Variants in PLRG1 observed in about 807,000 individuals in gnomAD.
PLRG1 encodes pleiotropic regulator 1.
Under a neutral mutation model 74.9 loss-of-function variants are expected in PLRG1, and 28 were observed. The ratio of observed to expected loss-of-function variants is 0.37; its 90% CI spans 0.28 to 0.51. The LOEUF is 0.51. PLRG1 is among the 20% of genes least tolerant of loss of function. The pLI is 0.91. For synonymous variants in PLRG1, 197 were observed against 212.4 expected, an observed-to-expected ratio of 0.93 and a Z score of 0.63; for missense variants, 445 against 631.9, an observed-to-expected ratio of 0.70 and a Z score of 3.17.
chr4:154,546,401 C>T (rs918876491), intron 4 of PLRG1, 188 bp from the exon 5 acceptor site: 5 of 560,570 alleles, frequency 8.9e-6, no homozygotes, highest in East Asian at 3.1e-5. Flanking sequence ...CTTAATAACA[C>T]GTAACTCAAA....
Position 154,540,177 on chromosome 4 carries a change from T to C in PLRG1, c.940-124A>G, listed in dbSNP as rs111461489. On this transcript the variant is annotated intron_variant, in intron 10 of 14. Transcript: ENST00000499023. Reference sequence around the variant, plus strand: ...TAGTGCCTGAATATAATAAAGAAAATGCTTAAGTGAAAGATAATGATTTAC... The same window carrying C: ...TAGTGCCTGAATATAATAAAGAAAACGCTTAAGTGAAAGATAATGATTTAC... The C allele has an allele frequency of 9.1e-3, 5,749 of 631,798 alleles. 199 individuals are homozygous for C. The highest frequency in any genetic ancestry group is 0.089 in the African/African-American group (4,815 of 54,376). 39.1% of individuals were successfully genotyped at this position (631,798 alleles called of 1,614,324 possible).
At chr4:154,548,534 TGA>T (rs1275027389) in intron 2 of PLRG1, among the ~76,000 whole-genome samples, 1 of 152,126 alleles carries the variant, frequency 6.6e-6, no homozygotes, top group African/African-American at 2.4e-5. Flanking sequence ...AGCAAGGCTC[TGA>T]GAGCAGCGGG....
At chr4:154,543,336 G>C (rs905519252) in intron 7 of PLRG1, among the ~76,000 whole-genome samples, 152 of 151,986 alleles carry the variant, frequency 1.0e-3, no homozygotes, top group African/African-American at 3.5e-3. Context: ...TTTTGTAGAG[G>C]CGGGGTTTTG....
intron 1 of PLRG1, 76 bp downstream of exon 1, chr4:154,550,224 C>T (rs994925255): frequency 2.3e-6 from 3 of 1,284,716 alleles, no homozygotes; most frequent in Non-Finnish European, 2.3e-6. Context: ...TCCAAGTACT[C>T]TCAATCCCCC....
intron 13 of PLRG1, 131 bp from the exon 14 acceptor site, chr4:154,537,610 C>A: frequency 1.7e-6 from 1 of 596,362 alleles, no homozygotes. Flanking sequence ...AGGCACTCCA[C>A]CTTCTCTTAA....
Position 154,536,585 on chromosome 4 carries a change from C to A in PLRG1, c.*100G>T, listed in dbSNP as rs1320879496. Reference sequence around the variant, plus strand: ...GCAAGTGAATTTCTCCTTTATATTCCCAGCCAGAGCACAAAATGACTGGAT... The same window carrying A: ...GCAAGTGAATTTCTCCTTTATATTCACAGCCAGAGCACAAAATGACTGGAT... On this transcript the variant is annotated 3_prime_UTR_variant, in exon 15 of 15. Coordinates refer to ENST00000499023, the MANE Select transcript of PLRG1 (RefSeq NM_002669.4). 5.9e-6 allele frequency: 4 copies of A among 678,472 alleles called. No homozygotes were observed. The highest frequency in any genetic ancestry group is 1.0e-5 in the Non-Finnish European group (4 of 385,026). 42.0% of individuals were successfully genotyped at this position (678,472 alleles called of 1,614,324 possible). A position where few individuals can be genotyped will look rare whatever the true frequency, so the allele number is the denominator to read the frequency against.
chr4:154,547,683 C>T, intron 3 of PLRG1, 28 bp downstream of exon 3: 2 of 1,592,822 alleles, frequency 1.3e-6, no homozygotes, highest in Non-Finnish European at 1.7e-6. Context: ...ACATATAAGT[C>T]TGACATTTCT....
At chr4:154,542,865 A>C (rs1729579069) in intron 7 of PLRG1, among the ~76,000 whole-genome samples, 1 of 152,150 alleles carries the variant, frequency 6.6e-6, no homozygotes, top group African/African-American at 2.4e-5. Flanking sequence ...TGGCTACCAG[A>C]GGTTGGGAAG....
chr4:154,547,422 C>A, intron 3 of PLRG1: 1 of 504,216 alleles, frequency 2.0e-6, no homozygotes, highest in Non-Finnish European at 3.5e-6. Flanking sequence ...AGATGGTGTC[C>A]TCACAGGTTA....
chr4:154,549,738 A>G, intron 1 of PLRG1: 1 of 456,466 alleles, frequency 2.2e-6, no homozygotes. Flanking sequence ...GCACCAGTCC[A>G]GGTGAAAGAT....
Position 154,544,445 on chromosome 4 carries a change from C to T in PLRG1, c.594G>A (p.Arg198=), listed in dbSNP as rs1246802891. Residue 198 remains arginine (R), a splice_region_variant and synonymous_variant, in exon 7 of 15, where the codon AGG becomes AGA. Transcript: ENST00000499023. ...ATAAAATAAATGCAGAGTCACTCAC[C>T]CTGTAGAGTTTCCACGGTGGGTGCC... ...PQWHPPWKLY[R]VISGHLGWVR... The T allele has an allele frequency of 1.2e-5, 18 of 1,541,030 alleles. No individual in the cohort carries two copies. The highest frequency in any genetic ancestry group is 1.6e-5 in the Non-Finnish European group (18 of 1,113,528).
chr4:154,542,021 T>C, intron 8 of PLRG1, 166 bp downstream of exon 8: 1 of 574,608 alleles, frequency 1.7e-6, no homozygotes. Context: ...TTCAAACAGA[T>C]ATTTATTTAG....
At chr4:154,539,906 A>G (rs1459153238) in intron 11 of PLRG1, 45 bp downstream of exon 11, 3 of 903,720 alleles carry the variant, frequency 3.3e-6, no homozygotes. Context: ...AATAACATGG[A>G]TTCTGACATG....
rs113087669 is a variant in PLRG1 at position 154,538,200 on chromosome 4, G to T, written c.1152-92C>A. ...AAGTTTATTTCAGTTATATTTTGCA[G>T]TGTGTACTCAATGATTTATATATTC... On this transcript the variant is annotated intron_variant, in intron 12 of 14. Transcript: ENST00000499023. 5,533 of 560,434 alleles carry T rather than the reference G, an allele frequency of 9.9e-3. 199 individuals carry two copies. The highest frequency in any genetic ancestry group is 0.089 in the African/African-American group (4,694 of 52,534). 34.7% of individuals were successfully genotyped at this position (560,434 alleles called of 1,614,324 possible).
intron 4 of PLRG1, 23 bp downstream of exon 4, chr4:154,546,988 T>G (rs1367535714): frequency 6.5e-7 from 1 of 1,527,368 alleles, no homozygotes; most frequent in East Asian, 2.3e-5. Context: ...TAAGACATTT[T>G]CAATATATAA....
At chr4:154,537,909 T>C (rs1375376724) in intron 13 of PLRG1, 60 bp downstream of exon 13, 3 of 971,152 alleles carry the variant, frequency 3.1e-6, no homozygotes, top group Non-Finnish European at 4.5e-6. Flanking sequence ...CAAATGTTTA[T>C]TCATCATTAA....
At chr4:154,539,885 AGTATAT>A in intron 11 of PLRG1, 60 bp downstream of exon 11, 2 of 818,436 alleles carry the variant, frequency 2.4e-6, no homozygotes, top group Non-Finnish European at 4.4e-6. Context: ...GAATATTAAA[AGTATAT>A]GTATAATAAC....
intron 5 of PLRG1, 64 bp downstream of exon 5, chr4:154,546,059 A>T (rs1042193481): frequency 8.4e-7 from 1 of 1,183,442 alleles, no homozygotes; most frequent in South Asian, 1.4e-5. Flanking sequence ...AAGAAATTTT[A>T]AAAAGAAAAA....
At chr4:154,539,820 G>A in intron 11 of PLRG1, 131 bp downstream of exon 11, 1 of 665,874 alleles carries the variant, frequency 1.5e-6, no homozygotes, top group Non-Finnish European at 2.7e-6. Context: ...AATTGTCCAT[G>A]ATTAAAATAT....
Sources: gnomAD v4.1 joint callset for allele counts (sites outside exome capture counted in the v4.1 genomes callset) on GRCh38, gnomAD v4.1.1 for gene constraint, MANE v1.5 for transcripts, NCBI Gene and HGNC (gene_info 2026-07-23, HGNC 2026-07-21) for gene names.